CIT: variants seen among roughly 807,000 people sequenced by gnomAD.
CIT encodes citron rho-interacting serine/threonine kinase.
A neutral mutation model predicts 272.7 loss-of-function variants in CIT; 79 were observed. The ratio of observed to expected loss-of-function variants is 0.29; its 90% CI spans 0.24 to 0.35. The LOEUF (loss-of-function observed/expected upper bound fraction) is 0.35, where lower values mean the gene tolerates loss of function less well. CIT is among the 10% of genes least tolerant of loss of function. The pLI is 1.00. For missense variants in CIT, 1,909 were observed against 2,618.3 expected, an observed-to-expected ratio of 0.73 and a Z score of 5.91; for synonymous variants, 948 against 995.6, an observed-to-expected ratio of 0.95 and a Z score of 0.90.
In CIT at chr12:119,778,645, C is replaced by G. The variant is rs574905617; in HGVS notation, c.1666-1803G>C. On this transcript the variant is annotated intron_variant, in intron 13 of 47. Coordinates refer to ENST00000392521, the MANE Select transcript of CIT (RefSeq NM_001206999.2). Reference sequence around the variant, plus strand: ...TTATCCCATTGTAGCAGGTGACGCCCCCCCCCCAGAGCATATTAAAGGGGA... The same window carrying G: ...TTATCCCATTGTAGCAGGTGACGCCGCCCCCCCAGAGCATATTAAAGGGGA... Among the ~76,000 whole-genome samples, 6 of 152,092 alleles carry G rather than the reference C, an allele frequency of 3.9e-5. No homozygotes were observed. In the South Asian group the frequency reaches 1.0e-3, roughly 26 times the overall value.
At chr12:119,815,560 G>A (rs1359847445) in intron 9 of CIT, among the ~76,000 whole-genome samples, 1 of 152,020 alleles carries the variant, frequency 6.6e-6, no homozygotes, top group Non-Finnish European at 1.5e-5. Flanking sequence ...TACAAAATTA[G>A]CCAAGCATAG....
At chr12:119,785,972 A>G (rs1964755598) in intron 10 of CIT, among the ~76,000 whole-genome samples, 1 of 152,200 alleles carries the variant, frequency 6.6e-6, no homozygotes. Flanking sequence ...CATTGGCCAT[A>G]GGAAACTCAT....
Position 119,712,300 on chromosome 12 carries a change from A to T in CIT, c.4732T>A (p.Trp1578Arg), listed in dbSNP as rs776067934. Residue 1578 changes from tryptophan (W) to arginine (R), a missense_variant, in exon 37 of 48, where the codon TGG becomes AGG. Physicochemically the swap from Trp to Arg is moderately radical, Grantham distance 101. Transcript: ENST00000392521. The surrounding 1 kb of genome is among the most constrained non-coding windows in gnomAD (Gnocchi z 5.2). ...KMESHPHTTC[W>R]PGRTLYLLAP... ...AGCAAGTAGAGGGTTCTCCCGGGCC[A>T]GCAGGTGGTGTGCGGGTGAGATTCC... The T allele has an allele frequency of 1.9e-6, 3 of 1,614,130 alleles. No individual in the cohort carries two copies. Among genetic ancestry groups the T allele is most frequent in the Non-Finnish European group, 1.7e-6 (2 of 1,179,976 alleles).
At chr12:119,843,804 C>A (rs746207648) in intron 5 of CIT, among the ~76,000 whole-genome samples, 1 of 151,852 alleles carries the variant, frequency 6.6e-6, no homozygotes, top group Admixed American at 6.6e-5. Flanking sequence ...GAGACTCCAT[C>A]TCAAAATAAA....
intron 14 of CIT, 42 bp downstream of exon 14, chr12:119,776,630 A>T (rs1175091648): frequency 6.4e-7 from 1 of 1,571,488 alleles, no homozygotes; most frequent in Non-Finnish European, 8.7e-7. Context: ...GATCATGTAC[A>T]ATTTTACCCA....
intron 9 of CIT, among the ~76,000 whole-genome samples, chr12:119,808,215 A>G (rs1966719861): frequency 6.6e-6 from 1 of 152,138 alleles, no homozygotes; most frequent in Non-Finnish European, 1.5e-5. Flanking sequence ...TATTCGAAAA[A>G]AAACAAGGAA....
intron 10 of CIT, 36 bp from the exon 11 acceptor site, chr12:119,785,101 A>G: frequency 6.2e-7 from 1 of 1,608,214 alleles, no homozygotes; most frequent in Non-Finnish European, 8.5e-7. Flanking sequence ...GGGGGCCTGC[A>G]GGTGGGCCTA....
chr12:119,790,923 G>A (rs538292230), intron 10 of CIT, among the ~76,000 whole-genome samples: 3 of 152,330 alleles, frequency 2.0e-5, no homozygotes, highest in South Asian at 2.1e-4. Context: ...TTAATGCCAC[G>A]ACCTTTGTCA....
At chr12:119,720,030 G>A (rs1267432126) in intron 30 of CIT, among the ~76,000 whole-genome samples, 24 of 152,166 alleles carry the variant, frequency 1.6e-4, no homozygotes, top group African/African-American at 2.4e-5. Flanking sequence ...TTTGTGAGCC[G>A]ATCAAAAGGA....
intron 18 of CIT, among the ~76,000 whole-genome samples, chr12:119,769,414 T>G (rs1962837139): frequency 1.3e-5 from 2 of 152,234 alleles, no homozygotes; most frequent in Admixed American, 6.5e-5. Context: ...TACTGTTGTT[T>G]GCTGCTAAAT....
intron 5 of CIT, among the ~76,000 whole-genome samples, chr12:119,841,058 GTGGTTTCAGATCCAGAAGTATA>G (rs1275657264): frequency 9.8e-5 from 15 of 152,302 alleles, no homozygotes; most frequent in African/African-American, 2.9e-4. Context: ...ATCAGATCCA[GTGGTTTCAGATCCAGAAGTATA>G]ATGCCTTGAG....
intron 2 of CIT, among the ~76,000 whole-genome samples, chr12:119,869,609 CTTTT>C (rs1487296783): frequency 6.6e-6 from 1 of 152,148 alleles, no homozygotes; most frequent in Non-Finnish European, 1.5e-5. Flanking sequence ...ATAATTTCAG[CTTTT>C]TTAATTCATT....
chr12:119,774,530 G>C (rs1272147020), intron 16 of CIT, among the ~76,000 whole-genome samples: 1 of 149,038 alleles, frequency 6.7e-6, no homozygotes, highest in African/African-American at 2.5e-5. Flanking sequence ...TCTGTTAGCT[G>C]GCTTGACTTA....
chr12:119,799,538 C>T (rs1259449450), intron 10 of CIT, among the ~76,000 whole-genome samples: 1 of 152,038 alleles, frequency 6.6e-6, no homozygotes, highest in Non-Finnish European at 1.5e-5. Flanking sequence ...TCAGAACCAC[C>T]CGAAAAGAAA....
At chr12:119,730,682 C>A (rs886174721) in intron 26 of CIT, 52 bp from the exon 27 acceptor site, 2 of 1,583,034 alleles carry the variant, frequency 1.3e-6, no homozygotes, top group African/African-American at 1.3e-5. Context: ...AGCTGACCTG[C>A]GGAAAGAAGG....
In CIT at chr12:119,710,188, G is replaced by A. The variant is rs573139314; in HGVS notation, c.5071+63C>T. 2.3e-4 allele frequency: 358 copies of A among 1,561,480 alleles called. 3 individuals are homozygous for A. The South Asian group carries it at 3.9e-3, about 17-fold the overall frequency. On this transcript the variant is annotated intron_variant, in intron 39 of 47. Transcript: ENST00000392521. This position sits in a 1 kb window ranked among gnomAD's most constrained non-coding sequence, Gnocchi z 5.6. The stretch of plus-strand genomic sequence containing the variant: ...ATTTTGTGTTTTACGAGCATGAAAC[G>A]TGGCTTCAACATATTGGCTCCCTTG...
At chr12:119,816,823 CA>C (rs1347706647) in intron 9 of CIT, among the ~76,000 whole-genome samples, 1 of 152,228 alleles carries the variant, frequency 6.6e-6, no homozygotes, top group Non-Finnish European at 1.5e-5. Context: ...CTGTAGCCCC[CA>C]AGGGGAGACT....
chr12:119,832,329 G>A (rs1968698227), intron 7 of CIT, among the ~76,000 whole-genome samples: 1 of 152,144 alleles, frequency 6.6e-6, no homozygotes, highest in Non-Finnish European at 1.5e-5. Flanking sequence ...GATATTTTGA[G>A]CACTTGGTTC....
chr12:119,808,859 A>G (rs1375447247), intron 9 of CIT, among the ~76,000 whole-genome samples: 1 of 152,208 alleles, frequency 6.6e-6, no homozygotes, highest in Admixed American at 6.5e-5. Context: ...TAAAATCTAG[A>G]GCGCTAATGT....
Sources: gnomAD v4.1 joint callset for allele counts (sites outside exome capture counted in the v4.1 genomes callset) on GRCh38, gnomAD v4.1.1 for gene constraint, Gnocchi (gnomAD v3.1) non-coding constraint, MANE v1.5 for transcripts, NCBI Gene and HGNC (gene_info 2026-07-23, HGNC 2026-07-21) for gene names.